Variants in PHACTR2 observed in about 807,000 individuals in gnomAD.
PHACTR2 encodes the protein phosphatase and actin regulator 2, also known as chromosome 6 open reading frame 56.
In PHACTR2, 30 loss-of-function variants were observed where a neutral mutation model predicts 76.0. The ratio of observed to expected loss-of-function variants is 0.39; its 90% CI spans 0.30 to 0.54. The LOEUF (loss-of-function observed/expected upper bound fraction) is 0.54. PHACTR2 is among the 20% of genes least tolerant of loss of function. The pLI is 0.61. For synonymous variants in PHACTR2, 292 were observed against 292.5 expected (o/e 1.00, Z 0.02); for missense variants, 696 against 781.1 (o/e 0.89, Z 1.30).
At position 143,755,241 on chromosome 6, in the gene PHACTR2, A is replaced by T. The variant is rs952713204; in HGVS notation, c.454+1329A>T. ...ACTTAAATAAATTTTAGTGGGATTC[A>T]GTTGAAAGTATTAACGCAAGTAGTG... On this transcript the variant is annotated intron_variant, in intron 4 of 12. Transcript: ENST00000440869. This position sits in a 1 kb window ranked among gnomAD's most constrained non-coding sequence, Gnocchi z 5.2. 3 of 454,870 alleles carry T rather than the reference A, an allele frequency of 6.6e-6. No homozygotes were observed. The highest frequency in any genetic ancestry group is 6.0e-5 in the African/African-American group (3 of 50,046). The allele number at this position is 454,870 out of a possible 1,614,324, so 28.2% of individuals were successfully genotyped here.
chr6:143,639,711 A>C lies in PHACTR2; in HGVS notation c.13+31389A>C, dbSNP rs1008708426. Among the ~76,000 whole-genome samples, 2 of 152,206 alleles carry C rather than the reference A, an allele frequency of 1.3e-5. No homozygotes were observed. The highest frequency in any genetic ancestry group is 4.1e-4 in the South Asian group (2 of 4,826). The stretch of plus-strand genomic sequence containing the variant: ...GACAAGCTTGATGTAATTGATCAAG[A>C]ACTCTGCACACAACAAGTAGATATT... On this transcript the variant is annotated intron_variant, in intron 1 of 11. Transcript: ENST00000305766. This position sits in a 1 kb window ranked among gnomAD's most constrained non-coding sequence, Gnocchi z 5.0.
At chr6:143,677,017 A>G (rs1777261869), upstream of PHACTR2, among the ~76,000 whole-genome samples, 1 of 151,834 alleles carries the variant, frequency 6.6e-6, no homozygotes, top group Non-Finnish European at 1.5e-5. Flanking sequence ...GATAAATTAA[A>G]AAATGAAAGC....
rs959399345 is a variant in PHACTR2 at position 143,698,986 on chromosome 6, C to T, written c.47-13030C>T. Among the ~76,000 whole-genome samples, 6 of 152,300 alleles carry T rather than the reference C, an allele frequency of 3.9e-5. No individual in the cohort carries two copies. The highest frequency in any genetic ancestry group is 3.9e-4 in the East Asian group (2 of 5,186). On this transcript the variant is annotated intron_variant, in intron 1 of 12. Coordinates refer to ENST00000440869, the MANE Select transcript of PHACTR2 (RefSeq NM_001100164.2). The surrounding 1 kb of genome is among the most constrained non-coding windows in gnomAD (Gnocchi z 4.3). Reference sequence around the variant, plus strand: ...CTCTGTTGTCCTTTACCTCTCCTATCACAGGGGGCGCTGACATTGCATCAA... The same window carrying T: ...CTCTGTTGTCCTTTACCTCTCCTATTACAGGGGGCGCTGACATTGCATCAA...
Position 143,791,941 on chromosome 6 carries a change from C to G in PHACTR2, c.1845+3031C>G, listed in dbSNP as rs1435984122. ...AATTTTCAGGGTACATTTCATCACTCCCTGCCTATCCCCTTACTTACTAAG... is the reference window on the plus strand; with the variant it reads ...AATTTTCAGGGTACATTTCATCACTGCCTGCCTATCCCCTTACTTACTAAG... On this transcript the variant is annotated intron_variant, in intron 11 of 12. Coordinates refer to ENST00000440869, the MANE Select transcript of PHACTR2 (RefSeq NM_001100164.2). The surrounding 1 kb of genome is among the most constrained non-coding windows in gnomAD (Gnocchi z 4.7). Among the ~76,000 whole-genome samples the G allele has an allele frequency of 6.6e-6, 1 of 152,176 alleles. No homozygotes were observed. The highest frequency in any genetic ancestry group is 2.4e-5 in the African/African-American group (1 of 41,442).
Position 143,805,294 on chromosome 6 carries a change from A to G in PHACTR2, c.1846-1763A>G, listed in dbSNP as rs58035091. Among the ~76,000 whole-genome samples, 274 of 152,144 alleles carry G rather than the reference A, an allele frequency of 1.8e-3. 1 individual carries two copies. Among genetic ancestry groups the G allele is most frequent in the African/African-American group, 6.4e-3 (267 of 41,496 alleles). On this transcript the variant is annotated intron_variant, in intron 11 of 12. Transcript: ENST00000440869. The stretch of plus-strand genomic sequence containing the variant: ...GGAGTTTGAGACCAGCCTGGCCAAC[A>G]TGGTGAAACCTCGTCTCTACTAAAA...
At chr6:143,796,568 C>G (rs748025264) in intron 11 of PHACTR2, among the ~76,000 whole-genome samples, 12 of 152,176 alleles carry the variant, frequency 7.9e-5, no homozygotes, top group East Asian at 1.9e-4. Flanking sequence ...CCTAGTCCCC[C>G]ACCCCCTACA....
At position 143,543,626 on chromosome 6, in the gene PHACTR2, GTGTT is replaced by G. The variant is rs1781194051; in HGVS notation, c.217+6422_217+6425del. Reference sequence around the variant, plus strand: ...GATGGAGTTGGGTTGGGGAGGAAGAGTGTTTGGGGATGGGAAACAGTACATGTAA... The same window carrying G: ...GATGGAGTTGGGTTGGGGAGGAAGAGTGGGGATGGGAAACAGTACATGTAA... On this transcript the variant is annotated intron_variant, in intron 1 of 11. Coordinates refer to the PHACTR2 transcript ENST00000367584. This position sits in a 1 kb window ranked among gnomAD's most constrained non-coding sequence, Gnocchi z 4.7. 4.6e-5 allele frequency among the ~76,000 whole-genome samples: 7 copies of G among 152,204 alleles called. No homozygotes were observed. Among genetic ancestry groups the G allele is most frequent in the Admixed American group, 4.6e-4 (7 of 15,282 alleles).
Position 143,807,523 on chromosome 6 carries a change from G to T in PHACTR2, c.1922+390G>T, listed in dbSNP as rs1776091049. 6.6e-6 allele frequency among the ~76,000 whole-genome samples: 1 copy of T among 152,130 alleles called. No homozygotes were observed. Among genetic ancestry groups the T allele is most frequent in the Non-Finnish European group, 1.5e-5 (1 of 68,026 alleles). On this transcript the variant is annotated intron_variant, in intron 12 of 12. Coordinates refer to ENST00000440869, the MANE Select transcript of PHACTR2 (RefSeq NM_001100164.2). This position sits in a 1 kb window ranked among gnomAD's most constrained non-coding sequence, Gnocchi z 5.5. ...GAATCATTCCATGGGGCTACATTTTGGTTCCTTTCTTCGTTTTTTTCTGGG... is the reference window on the plus strand; with the variant it reads ...GAATCATTCCATGGGGCTACATTTTTGTTCCTTTCTTCGTTTTTTTCTGGG...
chr6:143,723,947 G>A (rs1778500454), intron 2 of PHACTR2, among the ~76,000 whole-genome samples: 5 of 151,294 alleles, frequency 3.3e-5, no homozygotes, highest in Admixed American at 2.6e-4. Flanking sequence ...TAATTCTTCC[G>A]TTTTTTTCTT....
intron 2 of PHACTR2, among the ~76,000 whole-genome samples, chr6:143,745,160 G>A (rs1779028858): frequency 6.6e-6 from 1 of 152,130 alleles, no homozygotes; most frequent in Admixed American, 6.5e-5. Flanking sequence ...GCATAGATTG[G>A]TGTAAGCTTC....
rs1158810630 is a variant in PHACTR2, at chr6:143,730,192, G to GA, written c.214+18014dup. On this transcript the variant is annotated intron_variant, in intron 2 of 12. Coordinates refer to ENST00000440869, the MANE Select transcript of PHACTR2 (RefSeq NM_001100164.2). The surrounding 1 kb of genome is among the most constrained non-coding windows in gnomAD (Gnocchi z 4.8). The stretch of plus-strand genomic sequence containing the variant: ...TTAGAACCAACTTGTTTTTATTGTT[G>GA]AAAAATTACTGCTGGGGTACTTTTT... Among the ~76,000 whole-genome samples, 1 of 151,944 alleles carries GA rather than the reference G, an allele frequency of 6.6e-6. No homozygotes were observed. Among genetic ancestry groups the GA allele is most frequent in the Non-Finnish European group, 1.5e-5 (1 of 67,962 alleles).
chr6:143,656,701 T>A lies in PHACTR2; in HGVS notation c.13+48379T>A, dbSNP rs75158618. 6.6e-6 allele frequency among the ~76,000 whole-genome samples: 1 copy of A among 152,140 alleles called. No homozygotes were observed. Among genetic ancestry groups the A allele is most frequent in the Admixed American group, 6.5e-5 (1 of 15,278 alleles). On this transcript the variant is annotated intron_variant, in intron 1 of 11. Coordinates refer to the PHACTR2 transcript ENST00000305766. The surrounding 1 kb of genome is among the most constrained non-coding windows in gnomAD (Gnocchi z 5.3). ...GATCATAGAAGAAGCAATATCAAGA[T>A]TTTTCACCAGCCTCTGGAGTTATCA...
chr6:143,542,147 G>C (rs1328472255), intron 1 of PHACTR2, among the ~76,000 whole-genome samples: 1 of 152,224 alleles, frequency 6.6e-6, no homozygotes, highest in East Asian at 1.9e-4. Context: ...GGATGGAGCA[G>C]GTGCTGGTGG....
Position 143,760,515 on chromosome 6 carries a change from C to T in PHACTR2, c.569C>T (p.Ala190Val). Reference protein sequence around the residue: ...PKKSPVPPKGATAGASHKGDE... With the variant: ...PKKSPVPPKGVTAGASHKGDE... Reference sequence around the variant, plus strand: ...AAATCACCTGTGCCTCCGAAAGGGGCCACTGCTGGGGCCAGCCACAAAGGT... The same window carrying T: ...AAATCACCTGTGCCTCCGAAAGGGGTCACTGCTGGGGCCAGCCACAAAGGT... The change falls in exon 5 of 13, where the codon GCC becomes GTC. Residue 190 changes from alanine to valine, a missense_variant. By Grantham distance (64) the Ala-to-Val change is moderately conservative. Coordinates refer to ENST00000440869, the MANE Select transcript of PHACTR2 (RefSeq NM_001100164.2). The surrounding 1 kb of genome is among the most constrained non-coding windows in gnomAD (Gnocchi z 6.4). 1.2e-6 allele frequency: 2 copies of T among 1,613,920 alleles called. No individual in the cohort carries two copies. Among genetic ancestry groups the T allele is most frequent in the African/African-American group, 1.3e-5 (1 of 75,034 alleles).
At position 143,671,710 on chromosome 6, in the gene PHACTR2, T is replaced by A. The variant is rs950134729; in HGVS notation, c.14-40306T>A. Among the ~76,000 whole-genome samples the A allele has an allele frequency of 1.3e-5, 2 of 152,220 alleles. No individual in the cohort carries two copies. Among genetic ancestry groups the A allele is most frequent in the Non-Finnish European group, 2.9e-5 (2 of 68,034 alleles). ...AAGGAGATGCATAATAAATATTTGT[T>A]GAGTGGTGAACCAATCAATGAGTTA... is the stretch of plus-strand genomic sequence containing the variant. On this transcript the variant is annotated intron_variant, in intron 1 of 11. Coordinates refer to the PHACTR2 transcript ENST00000305766. This position sits in a 1 kb window ranked among gnomAD's most constrained non-coding sequence, Gnocchi z 4.6.
chr6:143,668,151 C>T (rs907528795), intron 1 of PHACTR2, among the ~76,000 whole-genome samples: 10 of 152,012 alleles, frequency 6.6e-5, no homozygotes, highest in Non-Finnish European at 1.3e-4. Context: ...TTTTGTCATT[C>T]GTTCTGTTTA....
Position 143,731,340 on chromosome 6 carries a change from T to G in PHACTR2, c.215-17645T>G, listed in dbSNP as rs1040061124. 2.0e-5 allele frequency among the ~76,000 whole-genome samples: 3 copies of G among 151,976 alleles called. No homozygotes were observed. Among genetic ancestry groups the G allele is most frequent in the Admixed American group, 2.0e-4 (3 of 15,258 alleles). The stretch of plus-strand genomic sequence containing the variant: ...TTCGCTCTTGTTGCCCAGGCTGGAG[T>G]GCAATGGCACGGTCTTGGCTCACAG... On this transcript the variant is annotated intron_variant, in intron 2 of 12. Coordinates refer to ENST00000440869, the MANE Select transcript of PHACTR2 (RefSeq NM_001100164.2). The surrounding 1 kb of genome is among the most constrained non-coding windows in gnomAD (Gnocchi z 4.9).
intron 1 of PHACTR2, among the ~76,000 whole-genome samples, chr6:143,705,336 C>T (rs1474515276): frequency 1.3e-5 from 2 of 149,388 alleles, no homozygotes; most frequent in African/African-American, 5.0e-5. Context: ...GCTCTGTAGC[C>T]CAGGCTGGAG....
At chr6:143,719,083 A>G (rs569734947) in intron 2 of PHACTR2, among the ~76,000 whole-genome samples, 1 of 151,838 alleles carries the variant, frequency 6.6e-6, no homozygotes, top group African/African-American at 2.4e-5. Flanking sequence ...GGGTTTCACC[A>G]TGTTAGCCAG....
Sources: gnomAD v4.1 joint callset for allele counts (sites outside exome capture counted in the v4.1 genomes callset) on GRCh38, gnomAD v4.1.1 for gene constraint, Gnocchi (gnomAD v3.1) non-coding constraint, MANE v1.5 for transcripts, NCBI Gene and HGNC (gene_info 2026-07-23, HGNC 2026-07-21) for gene names.